Variants in ROBO2 observed in about 807,000 individuals in gnomAD.
ROBO2 encodes roundabout homolog 2.
ROBO2 carries 53 observed loss-of-function variants against 160.8 expected under a neutral mutation model. The observed-to-expected ratio is 0.33, with a 90% CI of 0.26 to 0.41. The LOEUF (loss-of-function observed/expected upper bound fraction) is 0.41. Among genes scored for constraint, ROBO2 ranks in the 10% least tolerant of loss-of-function variants. The probability of loss-of-function intolerance (pLI) is 1.00; values close to 1 mark genes in which losing one functional copy is unlikely to be tolerated. For synonymous variants in ROBO2, 664 were observed against 611.7 expected, an observed-to-expected ratio of 1.09 and a Z score of -1.26; for missense variants, 1,577 against 1,722.4, an observed-to-expected ratio of 0.92 and a Z score of 1.49.
chr3:77,223,722 T>A (rs62253273), intron 2 of ROBO2, among the ~76,000 whole-genome samples: 4,428 of 152,182 alleles, frequency 0.029, 72 homozygotes, highest in Middle Eastern at 0.054. Context: ...ACTTTTGAAA[T>A]CTGTGACCTA....
chr3:76,880,756 C>A (rs908226602), intron 2 of ROBO2, among the ~76,000 whole-genome samples: 1 of 151,986 alleles, frequency 6.6e-6, no homozygotes, highest in South Asian at 2.1e-4. Flanking sequence ...TTCTTGATAA[C>A]GCTAGATGAA....
At chr3:77,359,026 A>G (rs2069541955) in intron 2 of ROBO2, among the ~76,000 whole-genome samples, 1 of 152,262 alleles carries the variant, frequency 6.6e-6, no homozygotes, top group Non-Finnish European at 1.5e-5. Flanking sequence ...TAACAGAAAC[A>G]AAAGTGTTTC....
At chr3:76,720,507 C>A (rs532542386) in intron 2 of ROBO2, among the ~76,000 whole-genome samples, 2 of 152,218 alleles carry the variant, frequency 1.3e-5, no homozygotes, top group South Asian at 4.1e-4. Flanking sequence ...GGAACAGTAA[C>A]AACAAAAACA....
At chr3:76,616,821 G>C (rs1329964933) in intron 2 of ROBO2, among the ~76,000 whole-genome samples, 1 of 152,110 alleles carries the variant, frequency 6.6e-6, no homozygotes, top group Non-Finnish European at 1.5e-5. Context: ...CTATTCATAG[G>C]TGCAATCATA....
intron 2 of ROBO2, among the ~76,000 whole-genome samples, chr3:76,923,050 T>C (rs565277367): frequency 8.8e-4 from 134 of 152,276 alleles, no homozygotes; most frequent in Non-Finnish European, 1.6e-3. Context: ...AACGTTAACA[T>C]TTATTTCTGT....
intron 2 of ROBO2, among the ~76,000 whole-genome samples, chr3:76,892,584 C>T (rs2148823767): frequency 6.6e-6 from 1 of 152,266 alleles, no homozygotes; most frequent in South Asian, 2.1e-4. Flanking sequence ...GTAACGAACA[C>T]TCCCTCAAAT....
At chr3:76,387,478 A>G (rs1187752376) in intron 2 of ROBO2, among the ~76,000 whole-genome samples, 1 of 152,066 alleles carries the variant, frequency 6.6e-6, no homozygotes, top group African/African-American at 2.4e-5. Flanking sequence ...AGAGATTTTT[A>G]CTGTTTAATC....
intron 2 of ROBO2, among the ~76,000 whole-genome samples, chr3:77,443,970 G>T (rs892858840): frequency 6.6e-6 from 1 of 151,994 alleles, no homozygotes; most frequent in Non-Finnish European, 1.5e-5. Flanking sequence ...AGCATCTTAG[G>T]CTTCACACTT....
intron 23 of ROBO2, chr3:77,631,032 C>T (rs1583402547): frequency 6.6e-6 from 1 of 150,912 alleles, no homozygotes; most frequent in East Asian, 1.9e-4. Flanking sequence ...GATCGTTGGT[C>T]CTTGACTTGT....
intron 2 of ROBO2, among the ~76,000 whole-genome samples, chr3:76,138,436 TTATAA>T (rs1009126302): frequency 8.6e-5 from 13 of 152,000 alleles, no homozygotes; most frequent in Admixed American, 6.6e-5. Context: ...GAGAAATACC[TTATAA>T]TATAATATGA....
intron 2 of ROBO2, among the ~76,000 whole-genome samples, chr3:76,933,772 A>G (rs1301624686): frequency 6.6e-6 from 1 of 152,204 alleles, no homozygotes; most frequent in Non-Finnish European, 1.5e-5. Flanking sequence ...TTAGGGACAA[A>G]TGAAGAATAG....
At chr3:76,985,006 A>G (rs2060295660) in intron 2 of ROBO2, among the ~76,000 whole-genome samples, 1 of 152,150 alleles carries the variant, frequency 6.6e-6, no homozygotes, top group Non-Finnish European at 1.5e-5. Context: ...TAGAATTGAT[A>G]TGAGTAATGT....
At chr3:76,715,333 A>AAAACT (rs756778794) in intron 2 of ROBO2, among the ~76,000 whole-genome samples, 9 of 152,198 alleles carry the variant, frequency 5.9e-5, no homozygotes, top group African/African-American at 1.4e-4. Context: ...AAAACAAAAC[A>AAAACT]AAAACCCTGT....
At chr3:76,880,625 CATG>C (rs2073240530) in intron 2 of ROBO2, among the ~76,000 whole-genome samples, 1 of 152,028 alleles carries the variant, frequency 6.6e-6, no homozygotes, top group African/African-American at 2.4e-5. Flanking sequence ...GGAATTTAGA[CATG>C]ATTTTAATGT....
At chr3:76,221,596 C>T (rs1703970688) in intron 2 of ROBO2, among the ~76,000 whole-genome samples, 1 of 152,220 alleles carries the variant, frequency 6.6e-6, no homozygotes, top group Non-Finnish European at 1.5e-5. Flanking sequence ...ATACAACCTT[C>T]TGCAGAATCT....
At position 76,026,905 on chromosome 3, in the gene ROBO2, G is replaced by T. The variant is rs150078368; in HGVS notation, c.109+89303G>T. On this transcript the variant is annotated intron_variant, in intron 2 of 26. Transcript: ENST00000487694. Reference sequence around the variant, plus strand: ...AAGACATTTTGGACTGCCTCGAGAGGTCTCAAGGACCTTCCAGGGCTCTCC... The same window carrying T: ...AAGACATTTTGGACTGCCTCGAGAGTTCTCAAGGACCTTCCAGGGCTCTCC... Among the ~76,000 whole-genome samples the T allele has an allele frequency of 5.5e-3, 837 of 151,974 alleles. 8 individuals carry two copies. The highest frequency in any genetic ancestry group is 0.019 in the African/African-American group (809 of 41,498).
chr3:76,661,121 AT>A, intron 2 of ROBO2, among the ~76,000 whole-genome samples: 1 of 152,256 alleles, frequency 6.6e-6, no homozygotes, highest in East Asian at 1.9e-4. Context: ...CATATTATCA[AT>A]TTTATTTACA....
intron 2 of ROBO2, among the ~76,000 whole-genome samples, chr3:76,691,041 A>T (rs899444617): frequency 6.6e-6 from 1 of 152,082 alleles, no homozygotes; most frequent in African/African-American, 2.4e-5. Flanking sequence ...ACAACATAGC[A>T]AAGAGTTCTG....
At chr3:76,553,271 CAAGG>C (rs1169335929) in intron 2 of ROBO2, among the ~76,000 whole-genome samples, 1 of 152,078 alleles carries the variant, frequency 6.6e-6, no homozygotes, top group Admixed American at 6.5e-5. Flanking sequence ...CAGAGGAAGA[CAAGG>C]AAGGAGCAGA....
Sources: gnomAD v4.1 joint callset for allele counts (sites outside exome capture counted in the v4.1 genomes callset) on GRCh38, gnomAD v4.1.1 for gene constraint, MANE v1.5 for transcripts, NCBI Gene and HGNC (gene_info 2026-07-23, HGNC 2026-07-21) for gene names.